The following SCO1 variants were observed in gnomAD, a reference collection of about 807,000 sequenced individuals.
SCO1 encodes the protein synthesis of cytochrome C oxidase 1.
In SCO1, 23 loss-of-function variants were observed where a neutral mutation model predicts 34.0. The observed-to-expected ratio is 0.68, with a 90% CI of 0.49 to 0.96. The LOEUF is 0.96. Among genes scored for constraint, SCO1 ranks in the 40% least tolerant of loss-of-function variants. The pLI is 0.00. For synonymous variants in SCO1, 161 were observed against 145.5 expected, an observed-to-expected ratio of 1.11 and a Z score of -0.77; for missense variants, 404 against 381.6, an observed-to-expected ratio of 1.06 and a Z score of -0.49.
chr17:10,676,787 T>C lies in SCO1; in HGVS notation c.*4332A>G, dbSNP rs901233712. ...GAAAATTTTCTTCCTTCAACTTTTC[T>C]GTATGCCAAACTTTCTTTACTGAGG... is the stretch of plus-strand genomic sequence containing the variant. On this transcript the variant is annotated 3_prime_UTR_variant, in exon 6 of 6. Transcript: ENST00000255390. 3 of 152,218 alleles carry C rather than the reference T, an allele frequency of 2.0e-5. No individual in the cohort carries two copies. The highest frequency in any genetic ancestry group is 7.2e-5 in the African/African-American group (3 of 41,464). The allele number at this position is 152,218 out of a possible 1,614,324, so 9.4% of individuals were successfully genotyped here. A position where few individuals can be genotyped will look rare whatever the true frequency, so the allele number is the denominator to read the frequency against.
In SCO1 at chr17:10,675,674, T is replaced by C. The variant is rs965761675; in HGVS notation, c.*5445A>G. ...CTGACTTTTAACACGATGGGTTAGT[T>C]TTCCCTGTTCTCCTAGTATCATACT... is the stretch of plus-strand genomic sequence containing the variant. On this transcript the variant is annotated 3_prime_UTR_variant, in exon 6 of 6. Coordinates refer to ENST00000255390, the MANE Select transcript of SCO1 (RefSeq NM_004589.4). 6 of 152,186 alleles carry C rather than the reference T, an allele frequency of 3.9e-5. No individual in the cohort carries two copies. The highest frequency in any genetic ancestry group is 1.4e-4 in the African/African-American group (6 of 41,440). The allele number at this position is 152,186 out of a possible 1,614,324, so 9.4% of individuals were successfully genotyped here. A position where few individuals can be genotyped will look rare whatever the true frequency, so the allele number is the denominator to read the frequency against.
At chr17:10,686,241 C>T (rs758727661) in intron 5 of SCO1, among the ~76,000 whole-genome samples, 34 of 150,592 alleles carry the variant, frequency 2.3e-4, no homozygotes, top group Non-Finnish European at 4.0e-4. Flanking sequence ...GACTCCGTCT[C>T]GAAAATAAAT....
At chr17:10,691,311 G>T (rs1405346236) in intron 4 of SCO1, among the ~76,000 whole-genome samples, 3 of 152,066 alleles carry the variant, frequency 2.0e-5, no homozygotes, top group African/African-American at 7.2e-5. Flanking sequence ...AGTAGAGACG[G>T]GGCTTCACCA....
Position 10,681,403 on chromosome 17 carries a change from C to T in SCO1, c.772-150G>A, listed in dbSNP as rs2520195. On this transcript the variant is annotated intron_variant, in intron 5 of 5. Transcript: ENST00000255390. Reference sequence around the variant, plus strand: ...ATTTATGGAATAGGCTTAAGTCTATCATAGCAAATTCCTAACAAAAATTGT... The same window carrying T: ...ATTTATGGAATAGGCTTAAGTCTATTATAGCAAATTCCTAACAAAAATTGT... 0.012 allele frequency: 10,210 copies of T among 861,604 alleles called. 598 individuals are homozygous for T. The African/African-American group carries it at 0.13, about 11-fold the overall frequency. The allele number at this position is 861,604 out of a possible 1,614,324, so 53.4% of individuals were successfully genotyped here.
In SCO1 at chr17:10,691,858, AT is replaced by A. The variant is rs769171141; in HGVS notation, c.655+13del. On this transcript the variant is annotated intron_variant, in intron 4 of 5. Coordinates refer to ENST00000255390, the MANE Select transcript of SCO1 (RefSeq NM_004589.4). The stretch of plus-strand genomic sequence containing the variant: ...TAAGGCTAAATAAATGTAAAGTATT[AT>A]TTAAAAAAATACCTTTCACATAATT... 1.3e-6 allele frequency: 2 copies of A among 1,542,314 alleles called. No homozygotes were observed. Among genetic ancestry groups the A allele is most frequent in the Non-Finnish European group, 1.8e-6 (2 of 1,114,968 alleles).
intron 4 of SCO1, among the ~76,000 whole-genome samples, chr17:10,687,503 A>G (rs2074663932): frequency 1.3e-5 from 2 of 152,248 alleles, no homozygotes; most frequent in South Asian, 4.1e-4. Flanking sequence ...TGACAGCCCA[A>G]CATTTAACAG....
chr17:10,685,909 T>C (rs961008551), intron 5 of SCO1, among the ~76,000 whole-genome samples: 2 of 152,174 alleles, frequency 1.3e-5, no homozygotes, highest in Non-Finnish European at 2.9e-5. Context: ...GAACAGTGAA[T>C]ATAAATCAAA....
Position 10,679,664 on chromosome 17 carries a change from T to A in SCO1, c.*1455A>T, listed in dbSNP as rs542727328. ...ACCCAGGATTCTAGGGCAGTTAAATTTAGAAACAAAAGCCAAGATTCATTC... is the reference window on the plus strand; with the variant it reads ...ACCCAGGATTCTAGGGCAGTTAAATATAGAAACAAAAGCCAAGATTCATTC... On this transcript the variant is annotated 3_prime_UTR_variant, in exon 6 of 6. Transcript: ENST00000255390. 3 of 152,314 alleles carry A rather than the reference T, an allele frequency of 2.0e-5. No homozygotes were observed. In the South Asian group the frequency reaches 6.2e-4, roughly 32 times the overall value. 9.4% of individuals were successfully genotyped at this position (152,314 alleles called of 1,614,324 possible). A position where few individuals can be genotyped will look rare whatever the true frequency, so the allele number is the denominator to read the frequency against.
Position 10,679,381 on chromosome 17 carries a change from A to G in SCO1, c.*1738T>C, listed in dbSNP as rs1192947993. On this transcript the variant is annotated 3_prime_UTR_variant, in exon 6 of 6. Coordinates refer to ENST00000255390, the MANE Select transcript of SCO1 (RefSeq NM_004589.4). ...CTGAAGTACTGAGATTAGGGCTTCAATGTATAAATTTTGGGGGACATTATT... is the reference window on the plus strand; with the variant it reads ...CTGAAGTACTGAGATTAGGGCTTCAGTGTATAAATTTTGGGGGACATTATT... 5 of 152,220 alleles carry G rather than the reference A, an allele frequency of 3.3e-5. No individual in the cohort carries two copies. The highest frequency in any genetic ancestry group is 2.1e-4 in the South Asian group (1 of 4,836). The allele number at this position is 152,220 out of a possible 1,614,324, so 9.4% of individuals were successfully genotyped here. A position where few individuals can be genotyped will look rare whatever the true frequency, so the allele number is the denominator to read the frequency against.
intron 4 of SCO1, among the ~76,000 whole-genome samples, chr17:10,688,616 T>C (rs2074671294): frequency 1.3e-5 from 2 of 152,192 alleles, no homozygotes. Flanking sequence ...ACCTACTATA[T>C]GATCTAACCA....
At chr17:10,686,682 G>T in intron 5 of SCO1, 45 bp downstream of exon 5, 1 of 1,138,712 alleles carries the variant, frequency 8.8e-7, no homozygotes, top group Non-Finnish European at 1.3e-6. Context: ...GACTATTTGG[G>T]ATCTGGGAGC....
chr17:10,693,438 G>A (rs570443771), intron 2 of SCO1, among the ~76,000 whole-genome samples: 48 of 152,198 alleles, frequency 3.2e-4, no homozygotes, highest in Middle Eastern at 3.4e-3. Flanking sequence ...AGAGAAGAGA[G>A]TTACAATAGG....
chr17:10,695,631 G>C (rs183622377), intron 2 of SCO1, 110 bp downstream of exon 2: 6 of 762,162 alleles, frequency 7.9e-6, no homozygotes, highest in African/African-American at 7.1e-5. Flanking sequence ...GCAATTTTTT[G>C]GTAAATCTAA....
At chr17:10,695,087 T>C (rs1472161253) in intron 2 of SCO1, among the ~76,000 whole-genome samples, 1 of 152,228 alleles carries the variant, frequency 6.6e-6, no homozygotes, top group Admixed American at 6.5e-5. Flanking sequence ...TATTTCAAGA[T>C]GCTAATCCAG....
intron 5 of SCO1, among the ~76,000 whole-genome samples, chr17:10,686,525 T>C (rs1459367247): frequency 6.8e-6 from 1 of 147,668 alleles, no homozygotes; most frequent in Admixed American, 7.0e-5. Context: ...GAGGTTGCAG[T>C]GAGCGAAGAT....
intron 5 of SCO1, among the ~76,000 whole-genome samples, chr17:10,683,694 T>C (rs1435451970): frequency 1.3e-5 from 2 of 151,076 alleles, no homozygotes; most frequent in East Asian, 3.9e-4. Context: ...TATTCTTTTT[T>C]CAAAAGTATT....
intron 4 of SCO1, among the ~76,000 whole-genome samples, chr17:10,687,950 ATC>A (rs1317311105): frequency 6.6e-6 from 1 of 152,242 alleles, no homozygotes; most frequent in East Asian, 1.9e-4. Flanking sequence ...GTTCATAAAT[ATC>A]TGTTTTTCAT....
Position 10,680,916 on chromosome 17 carries a change from T to G in SCO1, c.*203A>C, listed in dbSNP as rs901391622. 2 of 632,908 alleles carry G rather than the reference T, an allele frequency of 3.2e-6. No individual in the cohort carries two copies. The highest frequency in any genetic ancestry group is 5.5e-6 in the Non-Finnish European group (2 of 363,760). The allele number at this position is 632,908 out of a possible 1,614,324, so 39.2% of individuals were successfully genotyped here. A position where few individuals can be genotyped will look rare whatever the true frequency, so the allele number is the denominator to read the frequency against. ...TCTCCCCACAGCTTCCTGGGAGACTTTGGGTTGTAATCTTTACAGTTCCAA... is the reference window on the plus strand; with the variant it reads ...TCTCCCCACAGCTTCCTGGGAGACTGTGGGTTGTAATCTTTACAGTTCCAA... On this transcript the variant is annotated 3_prime_UTR_variant, in exon 6 of 6. Coordinates refer to ENST00000255390, the MANE Select transcript of SCO1 (RefSeq NM_004589.4).
intron 1 of SCO1, among the ~76,000 whole-genome samples, chr17:10,696,859 T>C (rs2074732066): frequency 6.6e-6 from 1 of 152,228 alleles, no homozygotes; most frequent in South Asian, 2.1e-4. Flanking sequence ...CATGGAACTC[T>C]GGATGGGGCT....
Sources: gnomAD v4.1 joint callset for allele counts (sites outside exome capture counted in the v4.1 genomes callset) on GRCh38, gnomAD v4.1.1 for gene constraint, MANE v1.5 for transcripts, NCBI Gene and HGNC (gene_info 2026-07-23, HGNC 2026-07-21) for gene names.